The following DLGAP2 variants were observed in gnomAD, a reference collection of about 807,000 sequenced individuals.
The protein encoded by DLGAP2 is disks large-associated protein 2.
DLGAP2 carries 26 observed loss-of-function variants against 100.3 expected under a neutral mutation model. That is an observed-to-expected ratio of 0.26 (90% CI 0.19 to 0.36). DLGAP2 has a LOEUF of 0.36. Among genes scored for constraint, DLGAP2 ranks in the 10% least tolerant of loss-of-function variants. DLGAP2 has a pLI of 1.00. For synonymous variants in DLGAP2, 886 were observed against 630.1 expected (o/e 1.41, Z -6.08); for missense variants, 1,858 against 1,453.2 (o/e 1.28, Z -4.53).
intron 4 of DLGAP2, among the ~76,000 whole-genome samples, chr8:1,543,154 C>A (rs1801419179): frequency 6.6e-6 from 1 of 152,166 alleles, no homozygotes; most frequent in South Asian, 2.1e-4. Flanking sequence ...CTGTGGATGG[C>A]CTTTGCATTT....
intron 3 of DLGAP2, among the ~76,000 whole-genome samples, chr8:1,294,332 G>A (rs944674010): frequency 1.3e-5 from 2 of 152,176 alleles, no homozygotes; most frequent in South Asian, 2.1e-4. Context: ...TTAGAACCTC[G>A]GAGAAGCCAG....
chr8:1,666,423 A>G (rs1369995571), intron 8 of DLGAP2, among the ~76,000 whole-genome samples: 5 of 152,160 alleles, frequency 3.3e-5, no homozygotes. Flanking sequence ...CTGTAATCCC[A>G]GTACTTTGGG....
chr8:1,101,711 C>T lies in DLGAP2; in HGVS notation c.74-157140C>T, dbSNP rs1334381952. 4.4e-5 allele frequency among the ~76,000 whole-genome samples: 6 copies of T among 136,568 alleles called. 1 individual carries two copies. Among genetic ancestry groups the T allele is most frequent in the African/African-American group, 5.2e-5 (2 of 38,256 alleles). 89.6% of individuals were successfully genotyped at this position (136,568 alleles called of 152,430 possible). A position where few individuals can be genotyped will look rare whatever the true frequency, so the allele number is the denominator to read the frequency against. ...GACGATGGGAAGGTCCTCGTCACCCCGGAGCCGAACACGACACGACGATGG... is the reference window on the plus strand; with the variant it reads ...GACGATGGGAAGGTCCTCGTCACCCTGGAGCCGAACACGACACGACGATGG... On this transcript the variant is annotated intron_variant, in intron 2 of 14. Coordinates refer to ENST00000637795, the MANE Select transcript of DLGAP2 (RefSeq NM_001346810.2).
chr8:1,248,912 A>C (rs2116876048), intron 2 of DLGAP2, among the ~76,000 whole-genome samples: 1 of 152,304 alleles, frequency 6.6e-6, no homozygotes, highest in Non-Finnish European at 1.5e-5. Context: ...GGCATAAATA[A>C]GTGAAGGTGA....
intron 2 of DLGAP2, among the ~76,000 whole-genome samples, chr8:1,164,455 G>A (rs1291158890): frequency 6.7e-6 from 1 of 150,176 alleles, no homozygotes; most frequent in East Asian, 2.0e-4. Context: ...TGGAGGCGAT[G>A]GCCTGGCTCT....
intron 2 of DLGAP2, among the ~76,000 whole-genome samples, chr8:967,482 A>G (rs750410655): frequency 1.3e-5 from 2 of 152,074 alleles, no homozygotes; most frequent in African/African-American, 2.4e-5. Context: ...GGATGCCTTC[A>G]TGAATTTCAG....
chr8:1,176,180 C>G (rs1180643860), intron 2 of DLGAP2, among the ~76,000 whole-genome samples: 1 of 151,092 alleles, frequency 6.6e-6, no homozygotes, highest in Non-Finnish European at 1.5e-5. Flanking sequence ...GGAAGCAAGG[C>G]ACGTGTTACA....
At chr8:1,344,283 T>C (rs1801504667) in intron 3 of DLGAP2, among the ~76,000 whole-genome samples, 1 of 150,310 alleles carries the variant, frequency 6.7e-6, no homozygotes, top group African/African-American at 2.5e-5. Flanking sequence ...GCCCAGGCAT[T>C]GTGGGTGGCT....
intron 2 of DLGAP2, 109 bp downstream of exon 2, chr8:908,075 G>A (rs1251509385): frequency 2.5e-6 from 1 of 394,562 alleles, no homozygotes; most frequent in African/African-American, 2.1e-5. Context: ...TATTTTGTGG[G>A]TTGTTTTTAG....
chr8:1,413,910 A>AT (rs71190734), intron 3 of DLGAP2, among the ~76,000 whole-genome samples: 9,275 of 150,392 alleles, frequency 0.062, 308 homozygotes, highest in South Asian at 0.083. Context: ...CTTGTTTATC[A>AT]TTTTTTTTTT....
At chr8:740,067 T>G (rs1820444747) in intron 1 of DLGAP2, 1 of 152,214 alleles carries the variant, frequency 6.6e-6, no homozygotes, top group Non-Finnish European at 1.5e-5. Context: ...CCCGTGTTCT[T>G]GGGTAAGCAG....
At chr8:1,118,251 G>A (rs574998236) in intron 2 of DLGAP2, among the ~76,000 whole-genome samples, 2 of 152,148 alleles carry the variant, frequency 1.3e-5, no homozygotes, top group African/African-American at 2.4e-5. Context: ...ATGTGAGCTC[G>A]GGGGAACTTC....
intron 1 of DLGAP2, among the ~76,000 whole-genome samples, chr8:815,299 C>T (rs1273569701): frequency 2.0e-5 from 3 of 152,178 alleles, no homozygotes; most frequent in Non-Finnish European, 4.4e-5. Context: ...ACTGTGTCCT[C>T]ACTTGGCGGA....
intron 3 of DLGAP2, among the ~76,000 whole-genome samples, chr8:1,500,236 C>T (rs984588189): frequency 6.6e-6 from 1 of 152,252 alleles, no homozygotes; most frequent in Admixed American, 6.5e-5. Flanking sequence ...CCCTGCCCCC[C>T]TCCTCAGGCC....
intron 2 of DLGAP2, among the ~76,000 whole-genome samples, chr8:996,291 G>T (rs1319425059): frequency 6.6e-6 from 1 of 151,960 alleles, no homozygotes; most frequent in Non-Finnish European, 1.5e-5. Flanking sequence ...GTTTCTTTCT[G>T]GGGGGGTCAT....
At chr8:1,307,680 T>G (rs1800521218) in intron 3 of DLGAP2, among the ~76,000 whole-genome samples, 1 of 152,052 alleles carries the variant, frequency 6.6e-6, no homozygotes, top group Admixed American at 6.5e-5. Context: ...AGAAGAACAT[T>G]TAGCCTTAAA....
At chr8:1,298,025 ACG>A (rs1800230197) in intron 3 of DLGAP2, among the ~76,000 whole-genome samples, 1 of 30,434 alleles carries the variant, frequency 3.3e-5, no homozygotes, top group African/African-American at 3.8e-4. Flanking sequence ...GGGAGGAGAA[ACG>A]TGGCAGGCGT....
intron 2 of DLGAP2, among the ~76,000 whole-genome samples, chr8:997,328 A>G (rs1800809493): frequency 6.6e-6 from 1 of 152,250 alleles, no homozygotes; most frequent in African/African-American, 2.4e-5. Context: ...CTATTTAAAT[A>G]TCTGGGGAGC....
chr8:1,650,706 C>G (rs1018911553), intron 8 of DLGAP2, among the ~76,000 whole-genome samples: 10 of 143,872 alleles, frequency 7.0e-5, no homozygotes, highest in South Asian at 4.6e-4. Flanking sequence ...GGAGAGTAGA[C>G]ACAGAAGCTT....
Sources: gnomAD v4.1 joint callset for allele counts (sites outside exome capture counted in the v4.1 genomes callset) on GRCh38, gnomAD v4.1.1 for gene constraint, MANE v1.5 for transcripts, NCBI Gene and HGNC (gene_info 2026-07-23, HGNC 2026-07-21) for gene names.